Variants in AKAP13 observed in about 807,000 individuals in gnomAD.
The protein encoded by AKAP13 is A-kinase anchor protein 13.
AKAP13 carries 80 observed loss-of-function variants against 264.5 expected under a neutral mutation model. The observed-to-expected ratio is 0.30, with a 90% CI of 0.25 to 0.36. The LOEUF (loss-of-function observed/expected upper bound fraction) is 0.36, where lower values mean the gene tolerates loss of function less well. Among genes scored for constraint, AKAP13 ranks in the 10% least tolerant of loss-of-function variants. AKAP13 has a pLI of 1.00. For missense variants in AKAP13, 3,712 were observed against 3,435.2 expected, an observed-to-expected ratio of 1.08 and a Z score of -2.01; for synonymous variants, 1,380 against 1,250.2, an observed-to-expected ratio of 1.10 and a Z score of -2.19.
In AKAP13 at chr15:85,614,282, A is replaced by C. The variant is rs574441868; in HGVS notation, c.4162-25092A>C. ...ACGACGGCCATCTTTAAATATCTGAAATGCTGCCAAAAGAAATAATGAATG... is the reference window on the plus strand; with the variant it reads ...ACGACGGCCATCTTTAAATATCTGACATGCTGCCAAAAGAAATAATGAATG... On this transcript the variant is annotated intron_variant, in intron 8 of 36. Coordinates refer to ENST00000394518, the MANE Select transcript of AKAP13 (RefSeq NM_007200.5). Among the ~76,000 whole-genome samples the C allele has an allele frequency of 3.3e-5, 5 of 152,332 alleles. No homozygotes were observed. The East Asian group carries it at 9.6e-4, about 29-fold the overall frequency.
intron 1 of AKAP13, among the ~76,000 whole-genome samples, chr15:85,403,837 A>C (rs968235655): frequency 6.5e-5 from 9 of 139,136 alleles, no homozygotes; most frequent in African/African-American, 2.6e-4. Context: ...AACAAGAGCA[A>C]AACTCCTCTC....
chr15:85,555,373 C>G, intron 5 of AKAP13: 1 of 1,226,212 alleles, frequency 8.2e-7, no homozygotes. Context: ...AAACTTGGAG[C>G]GAAACACGCC....
rs546439206 is a variant in AKAP13 at position 85,582,229 on chromosome 15, G to A, written c.4039+122G>A. The A allele has an allele frequency of 2.7e-5, 30 of 1,125,006 alleles. No individual in the cohort carries two copies. The African/African-American group carries it at 4.1e-4, about 15-fold the overall frequency. 69.7% of individuals were successfully genotyped at this position (1,125,006 alleles called of 1,614,324 possible). ...TTGAGGCCTTGCACTCATTGGGTAG[G>A]TAGCCAAGTTAATAGTCACCACCAT... On this transcript the variant is annotated intron_variant, in intron 7 of 36. Coordinates refer to ENST00000394518, the MANE Select transcript of AKAP13 (RefSeq NM_007200.5).
chr15:85,634,904 T>G (rs993097085), intron 8 of AKAP13, among the ~76,000 whole-genome samples: 10 of 151,990 alleles, frequency 6.6e-5, no homozygotes, highest in Non-Finnish European at 1.2e-4. Flanking sequence ...GTATCAGCAG[T>G]TCATTTCTTC....
rs910634965 is a variant in AKAP13, at chr15:85,525,056, A to C, written c.181+3481A>C. Among the ~76,000 whole-genome samples, 7 of 110,236 alleles carry C rather than the reference A, an allele frequency of 6.4e-5. No homozygotes were observed. In the East Asian group the frequency reaches 1.1e-3, roughly 18 times the overall value. 72.3% of individuals were successfully genotyped at this position (110,236 alleles called of 152,430 possible). On this transcript the variant is annotated intron_variant, in intron 3 of 36. Coordinates refer to ENST00000394518, the MANE Select transcript of AKAP13 (RefSeq NM_007200.5). The stretch of plus-strand genomic sequence containing the variant: ...TTGACTTTCTATTTTATCTATCTTT[A>C]AATTTTTTTTTTTTTTTTTTGAGAT...
intron 5 of AKAP13, among the ~76,000 whole-genome samples, chr15:85,550,534 C>T (rs367684233): frequency 6.6e-6 from 1 of 152,214 alleles, no homozygotes; most frequent in African/African-American, 2.4e-5. Flanking sequence ...ACATATTTCA[C>T]AATGGAACCA....
chr15:85,722,247 A>C lies in AKAP13; in HGVS notation c.6396A>C (p.Ser2132=). The change falls in exon 25 of 37, where the codon TCA becomes TCC. Residue 2132 remains serine, a synonymous_variant. Transcript: ENST00000394518. ...CCTTGCAGAAGAAGATGAGCAGTTCAGTTGTTAGAAGGCTTGGAATTCCAG... is the reference window on the plus strand; with the variant it reads ...CCTTGCAGAAGAAGATGAGCAGTTCCGTTGTTAGAAGGCTTGGAATTCCAG... ...QAFVKKKMSS[S]VVRRLGIPEC... is the part of the protein sequence containing the mutation. 1 of 1,613,598 alleles carries C rather than the reference A, an allele frequency of 6.2e-7. No homozygotes were observed. Among genetic ancestry groups the C allele is most frequent in the Non-Finnish European group, 8.5e-7 (1 of 1,179,772 alleles).
At chr15:85,487,526 C>T (rs1437356612) in intron 2 of AKAP13, among the ~76,000 whole-genome samples, 1 of 152,078 alleles carries the variant, frequency 6.6e-6, no homozygotes, top group Non-Finnish European at 1.5e-5. Context: ...AGGTTTTTTT[C>T]CTTTCATTAA....
chr15:85,488,609 G>A (rs1043436959), intron 2 of AKAP13, among the ~76,000 whole-genome samples: 11 of 152,304 alleles, frequency 7.2e-5, no homozygotes, highest in East Asian at 1.9e-4. Flanking sequence ...GCTTCCCGTT[G>A]TAATTACAGG....
intron 8 of AKAP13, among the ~76,000 whole-genome samples, chr15:85,596,552 C>T (rs1287673491): frequency 1.3e-5 from 2 of 152,000 alleles, no homozygotes; most frequent in Non-Finnish European, 2.9e-5. Flanking sequence ...CCACTGCACC[C>T]TAGTCTGGGC....
intron 8 of AKAP13, among the ~76,000 whole-genome samples, chr15:85,613,691 A>AAAAATATATAT (rs1313187436): frequency 6.5e-5 from 6 of 91,966 alleles, no homozygotes; most frequent in Middle Eastern, 5.3e-3. Flanking sequence ...AAAAAAAAAA[A>AAAAATATATAT]ATATATATAT....
intron 1 of AKAP13, among the ~76,000 whole-genome samples, chr15:85,431,466 A>G (rs771041155): frequency 1.3e-4 from 20 of 152,212 alleles, no homozygotes; most frequent in African/African-American, 1.4e-4. Context: ...AATTAAGACA[A>G]TGTGAAGAAC....
chr15:85,647,667 C>G (rs183723610), intron 10 of AKAP13, among the ~76,000 whole-genome samples: 2 of 151,992 alleles, frequency 1.3e-5, no homozygotes, highest in Admixed American at 1.3e-4. Flanking sequence ...CATTTAGGAC[C>G]GGGCGCAATG....
chr15:85,740,541 C>T, intron 34 of AKAP13: 1 of 464,276 alleles, frequency 2.2e-6, no homozygotes, highest in Admixed American at 3.5e-5. Context: ...TGGGAGATTA[C>T]TTCACTTTAG....
chr15:85,522,772 T>G (rs934066557), intron 3 of AKAP13, among the ~76,000 whole-genome samples: 1 of 152,132 alleles, frequency 6.6e-6, no homozygotes. Context: ...TCCTCAGAAA[T>G]CATTCCTGAC....
chr15:85,634,058 A>G (rs938106420), intron 8 of AKAP13, among the ~76,000 whole-genome samples: 1 of 152,184 alleles, frequency 6.6e-6, no homozygotes, highest in Non-Finnish European at 1.5e-5. Flanking sequence ...TCATTTTGTA[A>G]CACACCAGGA....
intron 14 of AKAP13, among the ~76,000 whole-genome samples, chr15:85,676,797 A>T (rs923658597): frequency 6.6e-6 from 1 of 152,222 alleles, no homozygotes; most frequent in South Asian, 2.1e-4. Flanking sequence ...TAGAAACTGC[A>T]TTAGAATTCT....
intron 3 of AKAP13, among the ~76,000 whole-genome samples, chr15:85,528,447 A>G (rs1410794237): frequency 6.6e-6 from 1 of 152,218 alleles, no homozygotes; most frequent in Non-Finnish European, 1.5e-5. Context: ...AAACAGAAGC[A>G]TTTTAATAGC....
intron 14 of AKAP13, among the ~76,000 whole-genome samples, chr15:85,673,140 G>T (rs2084011799): frequency 6.6e-6 from 1 of 152,154 alleles, no homozygotes; most frequent in Non-Finnish European, 1.5e-5. Flanking sequence ...AATGTCTTTT[G>T]TTGGGTCATT....
Sources: allele counts gnomAD v4.1 joint callset (sites outside exome capture counted in the v4.1 genomes callset), GRCh38; gene constraint gnomAD v4.1.1; transcripts MANE v1.5; gene names NCBI Gene and HGNC (gene_info 2026-07-23, HGNC 2026-07-21).